Variants in GKAP1 observed in about 807,000 individuals in gnomAD.
GKAP1 encodes G kinase anchoring protein 1, also known as G kinase-anchoring protein 1.
A neutral mutation model predicts 56.7 loss-of-function variants in GKAP1; 31 were observed. The observed-to-expected ratio is 0.55, with a 90% CI of 0.41 to 0.74. The LOEUF is 0.74. Among genes scored for constraint, GKAP1 ranks in the 30% least tolerant of loss-of-function variants. The probability of loss-of-function intolerance (pLI) is 0.00; values close to 1 mark genes in which losing one functional copy is unlikely to be tolerated. For missense variants in GKAP1, 364 were observed against 402.3 expected, an observed-to-expected ratio of 0.90 and a Z score of 0.82; for synonymous variants, 151 against 138.6, an observed-to-expected ratio of 1.09 and a Z score of -0.63.
chr9:83,753,276 AT>A lies in GKAP1; in HGVS notation c.821del (p.Asn274MetfsTer2). The A allele has an allele frequency of 1.2e-6, 2 of 1,603,550 alleles. No homozygotes were observed. The highest frequency in any genetic ancestry group is 8.5e-7 in the Non-Finnish European group (1 of 1,171,112). On this transcript the variant is annotated frameshift_variant, in exon 9 of 13. Transcript: ENST00000376371. LOFTEE classifies it high-confidence loss of function. ...RKDAEIQKLK[N>X]VITQWEAKYK... ...CACAAACCTCCCATTGAGTGATTAC[AT>A]TTTTCAGCTTCTGGATTTCAGCATC... is the stretch of plus-strand genomic sequence containing the variant.
chr9:83,788,015 C>T (rs754210640), intron 5 of GKAP1, among the ~76,000 whole-genome samples: 3 of 152,204 alleles, frequency 2.0e-5, no homozygotes, highest in African/African-American at 7.2e-5. Flanking sequence ...CAGTGGCTCA[C>T]ACCTGTAATC....
chr9:83,798,648 G>A (rs767757357), intron 4 of GKAP1, among the ~76,000 whole-genome samples: 1 of 152,064 alleles, frequency 6.6e-6, no homozygotes, highest in Non-Finnish European at 1.5e-5. Flanking sequence ...TGAGTAGCTG[G>A]GACCACAAGT....
chr9:83,779,503 ATATATGTGTATATATATACACG>A (rs1294590705), intron 7 of GKAP1, among the ~76,000 whole-genome samples: 1 of 137,254 alleles, frequency 7.3e-6, no homozygotes, highest in African/African-American at 2.7e-5. Context: ...ACATATACAC[ATATATGTGTATATATATACACG>A]TGTATATGTG....
intron 3 of GKAP1, among the ~76,000 whole-genome samples, chr9:83,804,944 G>C (rs1347248496): frequency 6.6e-6 from 1 of 152,050 alleles, no homozygotes; most frequent in African/African-American, 2.4e-5. Context: ...CCCTCTGCCC[G>C]GCCACCACCC....
chr9:83,799,270 G>T lies in GKAP1; in HGVS notation c.275C>A (p.Ala92Asp), dbSNP rs1483345208. 1 of 1,607,136 alleles carries T rather than the reference G, an allele frequency of 6.2e-7. No homozygotes were observed. The highest frequency in any genetic ancestry group is 2.3e-5 in the East Asian group (1 of 44,412). ...PQKSSHAVCN[A>D]QHDLPLSNPV... ...GTTTGACAATGGAAGATCATGTTGA[G>T]CGTTACAAACAGCATGGGAGGATTT... Residue 92 changes from alanine to aspartate, a missense_variant, in exon 4 of 13, where the codon GCT (alanine) becomes GAT (aspartate). Transcript: ENST00000376371.
At chr9:83,803,237 T>TG in intron 3 of GKAP1, among the ~76,000 whole-genome samples, 1 of 151,208 alleles carries the variant, frequency 6.6e-6, no homozygotes, top group South Asian at 2.1e-4. Context: ...CTCTCCCCTC[T>TG]CCCCTCTCCC....
intron 3 of GKAP1, among the ~76,000 whole-genome samples, chr9:83,800,486 A>C (rs1186266827): frequency 6.6e-6 from 1 of 151,964 alleles, no homozygotes; most frequent in Non-Finnish European, 1.5e-5. Flanking sequence ...GTCACATGCC[A>C]CCACGCCCAG....
At chr9:83,746,362 A>AT (rs1564187487) in intron 10 of GKAP1, among the ~76,000 whole-genome samples, 1 of 152,206 alleles carries the variant, frequency 6.6e-6, no homozygotes, top group Non-Finnish European at 1.5e-5. Flanking sequence ...AAAATGGTGT[A>AT]TATTTGCATA....
At chr9:83,753,456 C>A (rs894758198) in intron 8 of GKAP1, 97 bp from the exon 9 acceptor site, 7 of 794,218 alleles carry the variant, frequency 8.8e-6, no homozygotes, top group Non-Finnish European at 1.5e-5. Flanking sequence ...AAAATTCTGA[C>A]CTTAATTTTC....
intron 6 of GKAP1, among the ~76,000 whole-genome samples, chr9:83,783,067 A>G (rs1469742413): frequency 4.6e-5 from 7 of 152,338 alleles, no homozygotes; most frequent in Non-Finnish European, 1.0e-4. Flanking sequence ...TTGATCCTCA[A>G]AGGAAAACAA....
At chr9:83,810,275 C>G (rs1944489646) in intron 2 of GKAP1, among the ~76,000 whole-genome samples, 1 of 152,064 alleles carries the variant, frequency 6.6e-6, no homozygotes, top group African/African-American at 2.4e-5. Context: ...TTAATGGGTA[C>G]TCAATTCTAA....
At chr9:83,811,020 T>A (rs1472886629) in intron 2 of GKAP1, among the ~76,000 whole-genome samples, 8 of 152,166 alleles carry the variant, frequency 5.3e-5, no homozygotes, top group Admixed American at 2.0e-4. Flanking sequence ...AAAGAAAAGG[T>A]ACAATAAAAA....
intron 10 of GKAP1, among the ~76,000 whole-genome samples, chr9:83,743,548 T>C (rs935519009): frequency 6.6e-6 from 1 of 152,144 alleles, no homozygotes; most frequent in Non-Finnish European, 1.5e-5. Context: ...TAAGCCAAGC[T>C]CACGCCACTG....
At chr9:83,808,782 A>T (rs1944471743) in intron 2 of GKAP1, among the ~76,000 whole-genome samples, 1 of 152,182 alleles carries the variant, frequency 6.6e-6, no homozygotes, top group Non-Finnish European at 1.5e-5. Context: ...GATACTATAC[A>T]TCACTTCTCT....
In GKAP1 at chr9:83,743,658, A is replaced by G. The variant is rs886233830; in HGVS notation, c.905-1058T>C. 2.6e-5 allele frequency among the ~76,000 whole-genome samples: 4 copies of G among 152,178 alleles called. No individual in the cohort carries two copies. The East Asian group carries it at 7.7e-4, about 29-fold the overall frequency. ...TTGAATTGTTGGGGGTGGTGAGCAT[A>G]CCATAATGCCAACAAAATTATATTT... On this transcript the variant is annotated intron_variant, in intron 10 of 12. Coordinates refer to ENST00000376371, the MANE Select transcript of GKAP1 (RefSeq NM_025211.4).
At chr9:83,812,239 ATATACGTATATATG>A (rs1944516319) in intron 2 of GKAP1, among the ~76,000 whole-genome samples, 2 of 149,124 alleles carry the variant, frequency 1.3e-5, no homozygotes, top group Non-Finnish European at 3.0e-5. Flanking sequence ...ATGTATACAT[ATATACGTATATATG>A]TATACGTATA....
chr9:83,784,734 T>C lies in GKAP1; in HGVS notation c.543A>G (p.Leu181=). ...CATTACCTTCCGAATGAAAATCTTT[T>C]AGTGATACTGTGAGAGGTCTGTCTT... ...QGKDRPLTVS[L]KDFHSEDHIS... is the part of the protein sequence containing the mutation. The change falls in exon 6 of 13, where the codon CTA becomes CTG. Residue 181 remains leucine, a synonymous_variant. Transcript: ENST00000376371. 6.3e-7 allele frequency: 1 copy of C among 1,596,648 alleles called. No individual in the cohort carries two copies. Among genetic ancestry groups the C allele is most frequent in the Middle Eastern group, 1.7e-4 (1 of 6,002 alleles).
intron 7 of GKAP1, among the ~76,000 whole-genome samples, chr9:83,769,815 T>C (rs776148379): frequency 1.1e-4 from 16 of 152,226 alleles, no homozygotes; most frequent in Admixed American, 3.3e-4. Flanking sequence ...GCCCATCATT[T>C]TACAATCCCA....
In GKAP1 at chr9:83,763,448, T is replaced by C. The variant is rs192520471; in HGVS notation, c.738+5370A>G. On this transcript the variant is annotated intron_variant, in intron 8 of 12. Transcript: ENST00000376371. Reference sequence around the variant, plus strand: ...AACTAAAATAGTATCATTGGATTGTTTGTAACACAAAGGATAAATGCTTAC... The same window carrying C: ...AACTAAAATAGTATCATTGGATTGTCTGTAACACAAAGGATAAATGCTTAC... Among the ~76,000 whole-genome samples, 7 of 152,306 alleles carry C rather than the reference T, an allele frequency of 4.6e-5. No homozygotes were observed. In the East Asian group the frequency reaches 1.3e-3, roughly 29 times the overall value.
Sources: allele counts gnomAD v4.1 joint callset (sites outside exome capture counted in the v4.1 genomes callset), GRCh38; gene constraint gnomAD v4.1.1; transcripts MANE v1.5; gene names NCBI Gene and HGNC (gene_info 2026-07-23, HGNC 2026-07-21).